EXOC4: variants seen among roughly 807,000 people sequenced by gnomAD.
EXOC4 encodes SEC8-like 1.
Under a neutral mutation model 107.2 loss-of-function variants are expected in EXOC4, and 71 were observed. The observed-to-expected ratio is 0.66, with a 90% CI of 0.55 to 0.81. The LOEUF is 0.81. Among genes scored for constraint, EXOC4 ranks in the 30% least tolerant of loss-of-function variants. The pLI, the probability that EXOC4 is intolerant of heterozygous loss-of-function variation, is 0.00. For missense variants in EXOC4, 1,108 were observed against 1,189.6 expected (o/e 0.93, Z 1.01); for synonymous variants, 456 against 441.2 (o/e 1.03, Z -0.42).
chr7:134,054,421 TC>T (rs1795874130), intron 17 of EXOC4, among the ~76,000 whole-genome samples: 2 of 152,152 alleles, frequency 1.3e-5, no homozygotes. Context: ...CTAAGATGAC[TC>T]CCCTTTCATT....
In EXOC4 at chr7:133,884,581, C is replaced by CTGTGTGTGTGTGTGTG. The variant is rs34350149; in HGVS notation, c.1735-10993_1735-10978dup. On this transcript the variant is annotated intron_variant, in intron 11 of 17. Coordinates refer to ENST00000253861, the MANE Select transcript of EXOC4 (RefSeq NM_021807.4). Reference sequence around the variant, plus strand: ...CTCTCAGGTGTGCTTGCCCTATGCTCTGTGTGTGTGTGTGTGTGTGTGTGT... The same window carrying CTGTGTGTGTGTGTGTG: ...CTCTCAGGTGTGCTTGCCCTATGCTCTGTGTGTGTGTGTGTGTGTGTGTGTGTGTGTGTGTGTGTGT... Among the ~76,000 whole-genome samples, 197 of 143,724 alleles carry CTGTGTGTGTGTGTGTG rather than the reference C, an allele frequency of 1.4e-3. 1 individual carries two copies. The highest frequency in any genetic ancestry group is 4.7e-3 in the African/African-American group (181 of 38,388). 94.3% of individuals were successfully genotyped at this position (143,724 alleles called of 152,430 possible).
chr7:133,990,899 G>A (rs991708534), intron 14 of EXOC4, among the ~76,000 whole-genome samples: 4 of 152,176 alleles, frequency 2.6e-5, no homozygotes, highest in Non-Finnish European at 5.9e-5. Flanking sequence ...TGGGAGTGCA[G>A]ATGTCTCTTT....
intron 10 of EXOC4, among the ~76,000 whole-genome samples, chr7:133,701,615 C>A (rs2193523): frequency 0.53 from 80,834 of 151,858 alleles, 22,166 homozygotes; most frequent in East Asian, 0.66. Flanking sequence ...TAGGCACAGT[C>A]AGAGATTAAC....
At chr7:133,498,812 C>T (rs1799525944) in intron 9 of EXOC4, among the ~76,000 whole-genome samples, 1 of 152,164 alleles carries the variant, frequency 6.6e-6, no homozygotes, top group African/African-American at 2.4e-5. Flanking sequence ...GCCACCACTA[C>T]GTGCAGCAGC....
intron 9 of EXOC4, among the ~76,000 whole-genome samples, chr7:133,492,220 G>A (rs1217649553): frequency 6.6e-6 from 1 of 152,142 alleles, no homozygotes; most frequent in African/African-American, 2.4e-5. Flanking sequence ...AGAATTCTTA[G>A]GTGAGGTGGG....
intron 10 of EXOC4, among the ~76,000 whole-genome samples, chr7:133,780,912 G>A (rs1796452190): frequency 6.6e-6 from 1 of 152,192 alleles, no homozygotes; most frequent in African/African-American, 2.4e-5. Context: ...AATGCTAAGT[G>A]AGTATTTGAC....
chr7:134,087,875 A>G, the EXOC4 span, among the ~76,000 whole-genome samples: 1 of 152,154 alleles, frequency 6.6e-6, no homozygotes, highest in Non-Finnish European at 1.5e-5. Context: ...ACTTGGCCTG[A>G]TTATTTGTAT....
At chr7:133,287,486 G>A (rs1055187382) in intron 2 of EXOC4, among the ~76,000 whole-genome samples, 5 of 151,880 alleles carry the variant, frequency 3.3e-5, no homozygotes, top group African/African-American at 1.2e-4. Flanking sequence ...AATTTTCTGT[G>A]TTTTGTTTAG....
At chr7:133,879,628 A>G (rs187377674) in intron 11 of EXOC4, among the ~76,000 whole-genome samples, 5 of 152,138 alleles carry the variant, frequency 3.3e-5, no homozygotes, top group African/African-American at 1.2e-4. Context: ...ATTTTTCATT[A>G]CGTGTAATTA....
intron 10 of EXOC4, among the ~76,000 whole-genome samples, chr7:133,644,275 C>T (rs891663626): frequency 1.3e-5 from 2 of 152,198 alleles, no homozygotes; most frequent in African/African-American, 4.8e-5. Context: ...CTGATTGCTG[C>T]TCTGCCCTTG....
intron 9 of EXOC4, among the ~76,000 whole-genome samples, chr7:133,523,217 A>G (rs1000246207): frequency 1.3e-5 from 2 of 152,222 alleles, no homozygotes; most frequent in African/African-American, 4.8e-5. Flanking sequence ...CATAGAATAA[A>G]TGGAAGATAA....
chr7:133,373,417 G>T (rs1351760204), intron 6 of EXOC4, among the ~76,000 whole-genome samples: 2 of 152,122 alleles, frequency 1.3e-5, no homozygotes, highest in African/African-American at 2.4e-5. Flanking sequence ...AGTCTAGGCT[G>T]GGAGTACTAC....
chr7:133,653,445 T>C (rs1440975801), intron 10 of EXOC4, among the ~76,000 whole-genome samples: 2 of 152,216 alleles, frequency 1.3e-5, no homozygotes. Context: ...GTACAGGACC[T>C]CTCTTTACTA....
At chr7:133,597,076 T>C (rs944990727) in intron 9 of EXOC4, among the ~76,000 whole-genome samples, 1 of 152,104 alleles carries the variant, frequency 6.6e-6, no homozygotes, top group African/African-American at 2.4e-5. Flanking sequence ...CAGATCAAGT[T>C]TGGTGAATAG....
intron 7 of EXOC4, among the ~76,000 whole-genome samples, chr7:133,436,215 C>T (rs1431117336): frequency 1.3e-5 from 2 of 152,108 alleles, no homozygotes; most frequent in South Asian, 2.1e-4. Flanking sequence ...GTGGGCCTTC[C>T]TTGTACTGCC....
At chr7:134,086,577 G>A in the EXOC4 span, among the ~76,000 whole-genome samples, 1 of 152,118 alleles carries the variant, frequency 6.6e-6, no homozygotes, top group Non-Finnish European at 1.5e-5. Flanking sequence ...ACAGGGAAAG[G>A]CCTCAGTTCA....
chr7:133,606,728 C>T (rs1036932795), intron 9 of EXOC4, among the ~76,000 whole-genome samples: 4 of 151,972 alleles, frequency 2.6e-5, no homozygotes, highest in Admixed American at 6.6e-5. Flanking sequence ...GTTGGCCAGG[C>T]TAGTCTCGAA....
intron 17 of EXOC4, among the ~76,000 whole-genome samples, chr7:134,025,383 GAA>G (rs1206346246): frequency 7.9e-6 from 1 of 126,716 alleles, no homozygotes; most frequent in Non-Finnish European, 1.8e-5. Flanking sequence ...CCAGATCTGG[GAA>G]AAGTTAGTTA....
At chr7:133,657,278 G>A (rs1366950851) in intron 10 of EXOC4, among the ~76,000 whole-genome samples, 1 of 152,076 alleles carries the variant, frequency 6.6e-6, no homozygotes, top group East Asian at 1.9e-4. Flanking sequence ...AAGCTTTAGA[G>A]TTTTGTTACT....
Sources: gnomAD v4.1 joint callset for allele counts (sites outside exome capture counted in the v4.1 genomes callset) on GRCh38, gnomAD v4.1.1 for gene constraint, MANE v1.5 for transcripts, NCBI Gene and HGNC (gene_info 2026-07-23, HGNC 2026-07-21) for gene names.